Variants in KCND2 observed in about 807,000 individuals in gnomAD.
KCND2 encodes potassium voltage-gated channel subfamily D member 2.
A neutral mutation model predicts 54.4 loss-of-function variants in KCND2; 16 were observed. The ratio of observed to expected loss-of-function variants is 0.29; its 90% CI spans 0.20 to 0.45. The LOEUF (loss-of-function observed/expected upper bound fraction) is 0.45. Among genes scored for constraint, KCND2 ranks in the 20% least tolerant of loss-of-function variants. The probability of loss-of-function intolerance (pLI) is 1.00; values close to 1 mark genes in which losing one functional copy is unlikely to be tolerated. For missense variants in KCND2, 486 were observed against 824.2 expected (o/e 0.59, Z 5.02); for synonymous variants, 317 against 310.7 (o/e 1.02, Z -0.21).
chr7:120,707,498 G>C (rs1364586268), intron 1 of KCND2, among the ~76,000 whole-genome samples: 1 of 152,018 alleles, frequency 6.6e-6, no homozygotes, highest in African/African-American at 2.4e-5. Context: ...CTGTCCATAG[G>C]GGAAATAAGG....
chr7:120,451,750 A>G (rs1247264035), intron 1 of KCND2, among the ~76,000 whole-genome samples: 1 of 152,188 alleles, frequency 6.6e-6, no homozygotes, highest in Non-Finnish European at 1.5e-5. Context: ...ACTGACCAAG[A>G]GAGATGAAAT....
chr7:120,343,843 C>T (rs1049742380), intron 1 of KCND2, among the ~76,000 whole-genome samples: 4 of 152,130 alleles, frequency 2.6e-5, no homozygotes, highest in Non-Finnish European at 4.4e-5. Context: ...ATGGAAAGCA[C>T]TATATAATCA....
intron 1 of KCND2, among the ~76,000 whole-genome samples, chr7:120,687,902 A>G (rs1470970545): frequency 6.6e-6 from 1 of 152,196 alleles, no homozygotes; most frequent in Admixed American, 6.6e-5. Context: ...TTGTTATTGA[A>G]GTTCAGCAAT....
chr7:120,492,120 T>C (rs1802791267), intron 1 of KCND2, among the ~76,000 whole-genome samples: 1 of 152,126 alleles, frequency 6.6e-6, no homozygotes, highest in Admixed American at 6.6e-5. Flanking sequence ...AATTGATTTC[T>C]CTGGATCTTG....
chr7:120,319,904 TTTTG>T (rs1328754255), intron 1 of KCND2, among the ~76,000 whole-genome samples: 1 of 152,124 alleles, frequency 6.6e-6, no homozygotes, highest in Non-Finnish European at 1.5e-5. Flanking sequence ...GTTTTTTGTT[TTTTG>T]TTCTTCTTTA....
chr7:120,560,129 A>T (rs938105808), intron 1 of KCND2, among the ~76,000 whole-genome samples: 1 of 152,212 alleles, frequency 6.6e-6, no homozygotes, highest in African/African-American at 2.4e-5. Flanking sequence ...GGTCGTTCTC[A>T]GTTAAAATTT....
intron 1 of KCND2, among the ~76,000 whole-genome samples, chr7:120,701,405 A>T (rs1394001630): frequency 6.6e-6 from 1 of 152,114 alleles, no homozygotes; most frequent in Non-Finnish European, 1.5e-5. Context: ...CAAGAAGCAA[A>T]GTAGGCGCTA....
chr7:120,381,043 G>A (rs1256094970), intron 1 of KCND2, among the ~76,000 whole-genome samples: 3 of 152,064 alleles, frequency 2.0e-5, no homozygotes, highest in South Asian at 2.1e-4. Context: ...TTGGGAGGCT[G>A]AGGTGGGAGG....
intron 1 of KCND2, among the ~76,000 whole-genome samples, chr7:120,578,647 C>T (rs1792470866): frequency 6.6e-6 from 1 of 152,030 alleles, no homozygotes; most frequent in African/African-American, 2.4e-5. Context: ...GGGAAGATCA[C>T]GAGGTCAGGA....
At chr7:120,309,162 A>C (rs1029339999) in intron 1 of KCND2, among the ~76,000 whole-genome samples, 3 of 152,098 alleles carry the variant, frequency 2.0e-5, no homozygotes, top group African/African-American at 7.2e-5. Context: ...GTAATGACTT[A>C]AAGGTCGTTA....
chr7:120,403,152 A>G (rs1168146884), intron 1 of KCND2, among the ~76,000 whole-genome samples: 2 of 152,080 alleles, frequency 1.3e-5, no homozygotes, highest in Admixed American at 1.3e-4. Context: ...ATTAACCCAA[A>G]CCAAATTATA....
intron 1 of KCND2, among the ~76,000 whole-genome samples, chr7:120,412,795 T>G (rs1412573069): frequency 6.6e-6 from 1 of 152,072 alleles, no homozygotes; most frequent in Non-Finnish European, 1.5e-5. Context: ...TGCTTTCTGG[T>G]AGAATGTTAT....
intron 1 of KCND2, among the ~76,000 whole-genome samples, chr7:120,389,187 T>G (rs946344097): frequency 6.6e-6 from 1 of 151,890 alleles, no homozygotes; most frequent in Admixed American, 6.6e-5. Context: ...ATAGGCTTAC[T>G]GAAGCCAAAA....
At chr7:120,637,900 C>A (rs777597953) in intron 1 of KCND2, among the ~76,000 whole-genome samples, 18 of 151,986 alleles carry the variant, frequency 1.2e-4, no homozygotes, top group Admixed American at 5.2e-4. Context: ...CCAGCGGAAT[C>A]CTTACCTCAA....
chr7:120,560,242 GTTCAT>G (rs1792216848), intron 1 of KCND2, among the ~76,000 whole-genome samples: 1 of 152,130 alleles, frequency 6.6e-6, no homozygotes, highest in Non-Finnish European at 1.5e-5. Flanking sequence ...CATTTTTGCA[GTTCAT>G]TTTTATTACA....
intron 1 of KCND2, among the ~76,000 whole-genome samples, chr7:120,319,959 C>T (rs920131466): frequency 7.3e-5 from 11 of 151,624 alleles, no homozygotes; most frequent in Non-Finnish European, 1.2e-4. Context: ...TGGTAGAGAA[C>T]GTATATTAGT....
chr7:120,327,835 A>G (rs966273743), intron 1 of KCND2, among the ~76,000 whole-genome samples: 1 of 151,698 alleles, frequency 6.6e-6, no homozygotes, highest in Admixed American at 6.6e-5. Flanking sequence ...CTTGGGATTT[A>G]TTTTTTAACT....
At chr7:120,434,635 A>G (rs1390542326) in intron 1 of KCND2, among the ~76,000 whole-genome samples, 3 of 152,246 alleles carry the variant, frequency 2.0e-5, no homozygotes, top group Non-Finnish European at 2.9e-5. Context: ...TGGCAACTGC[A>G]GTGAAAGAAG....
intron 1 of KCND2, among the ~76,000 whole-genome samples, chr7:120,546,206 A>T (rs1431616518): frequency 1.6e-4 from 25 of 151,920 alleles, no homozygotes. Flanking sequence ...TACTTTTGAA[A>T]ATCAAATGTA....
Sources: allele counts gnomAD v4.1 joint callset (sites outside exome capture counted in the v4.1 genomes callset), GRCh38; gene constraint gnomAD v4.1.1; transcripts MANE v1.5; gene names NCBI Gene and HGNC (gene_info 2026-07-23, HGNC 2026-07-21).